Variants in ATL2 observed in about 807,000 individuals in gnomAD.
ATL2 encodes the protein atlastin GTPase 2, also known as atlastin-2.
Under a neutral mutation model 73.9 loss-of-function variants are expected in ATL2, and 31 were observed. The ratio of observed to expected loss-of-function variants is 0.42; its 90% CI spans 0.32 to 0.57. The LOEUF (loss-of-function observed/expected upper bound fraction) is 0.57. ATL2 is among the 20% of genes least tolerant of loss of function. The probability of loss-of-function intolerance (pLI) is 0.14; values close to 1 mark genes in which losing one functional copy is unlikely to be tolerated. For synonymous variants in ATL2, 291 were observed against 237.5 expected (o/e 1.23, Z -2.07); for missense variants, 738 against 702.6 (o/e 1.05, Z -0.57).
chr2:38,316,378 T>C (rs1188997281), intron 4 of ATL2, among the ~76,000 whole-genome samples: 2 of 152,218 alleles, frequency 1.3e-5, no homozygotes, highest in Non-Finnish European at 2.9e-5. Flanking sequence ...ATCCTTTCAT[T>C]GTCAGGGCCA....
intron 1 of ATL2, among the ~76,000 whole-genome samples, chr2:38,353,187 G>A (rs766705840): frequency 1.3e-5 from 2 of 152,162 alleles, no homozygotes; most frequent in Non-Finnish European, 1.5e-5. Context: ...CTGTAAATAC[G>A]TTCAAGGACT....
Position 38,326,686 on chromosome 2 carries a change from C to T in ATL2, c.364-7667G>A, listed in dbSNP as rs1462652606. Among the ~76,000 whole-genome samples, 7 of 152,130 alleles carry T rather than the reference C, an allele frequency of 4.6e-5. No homozygotes were observed. In the East Asian group the frequency reaches 1.3e-3, roughly 29 times the overall value. On this transcript the variant is annotated intron_variant, in intron 2 of 12. Coordinates refer to ENST00000378954, the MANE Select transcript of ATL2 (RefSeq NM_001135673.4). ...AAAGATAAGAATTACACTGGACTTC[C>T]CATTACAAATCATGCAAGCAGCTGG... is the stretch of plus-strand genomic sequence containing the variant.
chr2:38,346,731 C>G (rs1211956595), intron 1 of ATL2, among the ~76,000 whole-genome samples: 1 of 152,308 alleles, frequency 6.6e-6, no homozygotes, highest in Admixed American at 6.5e-5. Context: ...GGCAGTAATG[C>G]TCGCTCGCCT....
At chr2:38,329,264 C>A (rs558802877) in intron 2 of ATL2, among the ~76,000 whole-genome samples, 2 of 150,214 alleles carry the variant, frequency 1.3e-5, no homozygotes, top group African/African-American at 4.9e-5. Context: ...CCCATCTCTA[C>A]TAAAAATACA....
At chr2:38,363,745 A>G (rs1489569410) in intron 1 of ATL2, among the ~76,000 whole-genome samples, 1 of 152,246 alleles carries the variant, frequency 6.6e-6, no homozygotes, top group East Asian at 1.9e-4. Context: ...TGGTAACTAG[A>G]GAGCAAGGCA....
At chr2:38,296,876 T>A (rs1309200304) in intron 12 of ATL2, among the ~76,000 whole-genome samples, 1 of 152,226 alleles carries the variant, frequency 6.6e-6, no homozygotes, top group Non-Finnish European at 1.5e-5. Flanking sequence ...CTAGAATCAA[T>A]GCTGTTTAAG....
chr2:38,377,497 C>A (rs868850794), upstream of ATL2, among the ~76,000 whole-genome samples: 1 of 151,004 alleles, frequency 6.6e-6, no homozygotes, highest in Non-Finnish European at 1.5e-5. Context: ...AGATCCGTCT[C>A]CCCGGCTCCA....
intron 1 of ATL2, among the ~76,000 whole-genome samples, chr2:38,372,986 C>T (rs1671768910): frequency 6.6e-6 from 1 of 152,060 alleles, no homozygotes; most frequent in South Asian, 2.1e-4. Flanking sequence ...CATAATAACA[C>T]AAGTAGTCAC....
chr2:38,314,932 A>G (rs973844247), intron 5 of ATL2, among the ~76,000 whole-genome samples: 1 of 152,250 alleles, frequency 6.6e-6, no homozygotes, highest in Non-Finnish European at 1.5e-5. Context: ...TTAAATTTCA[A>G]TAGTTGGCAC....
At chr2:38,332,731 G>T (rs1366886886) in intron 2 of ATL2, among the ~76,000 whole-genome samples, 1 of 152,124 alleles carries the variant, frequency 6.6e-6, no homozygotes, top group South Asian at 2.1e-4. Flanking sequence ...CAGAGTCCAG[G>T]GGAGAATGAA....
chr2:38,307,011 T>C (rs1667483396), intron 9 of ATL2, among the ~76,000 whole-genome samples: 1 of 151,952 alleles, frequency 6.6e-6, no homozygotes, highest in African/African-American at 2.4e-5. Context: ...AAAAATCAAA[T>C]CAAAATGGAT....
At position 38,343,560 on chromosome 2, in the gene ATL2, G is replaced by A. The variant is rs199928693; in HGVS notation, c.119-48C>T. The A allele has an allele frequency of 1.1e-4, 166 of 1,558,000 alleles. No homozygotes were observed. In the African/African-American group the frequency reaches 1.1e-3, roughly 11 times the overall value. Reference sequence around the variant, plus strand: ...CTGGTTACTTTAATCCCTATATTACGAACTTTCATTAAGGACCACAACTAA... The same window carrying A: ...CTGGTTACTTTAATCCCTATATTACAAACTTTCATTAAGGACCACAACTAA... On this transcript the variant is annotated intron_variant, in intron 1 of 12. Coordinates refer to ENST00000378954, the MANE Select transcript of ATL2 (RefSeq NM_001135673.4).
chr2:38,318,249 GGGC>G (rs1668129434), intron 4 of ATL2: 1 of 237,890 alleles, frequency 4.2e-6, no homozygotes, highest in African/African-American at 2.3e-5. Context: ...AGGCCGAGGT[GGGC>G]GGGTCACCTG....
At chr2:38,350,456 G>GTC (rs1670272953) in intron 1 of ATL2, among the ~76,000 whole-genome samples, 1 of 152,118 alleles carries the variant, frequency 6.6e-6, no homozygotes, top group African/African-American at 2.4e-5. Flanking sequence ...GGATAGGGAG[G>GTC]GATGAACAGG....
In ATL2 at chr2:38,376,370, G is replaced by GTCA. The variant is rs529259963; in HGVS notation, c.118+772_118+773insTGA. On this transcript the variant is annotated intron_variant, in intron 1 of 12. Coordinates refer to ENST00000378954, the MANE Select transcript of ATL2 (RefSeq NM_001135673.4). Reference sequence around the variant, plus strand: ...AGCTCACATTCAGCAAAACCAGGGAGCCAAGGATCAGGTGACTTCACACTA... The same window carrying GTCA: ...AGCTCACATTCAGCAAAACCAGGGAGTCACCAAGGATCAGGTGACTTCACACTA... The GTCA allele has an allele frequency of 6.7e-4, 459 of 689,884 alleles. 1 individual carries two copies. The African/African-American group carries it at 7.5e-3, about 11-fold the overall frequency. The allele number at this position is 689,884 out of a possible 1,614,324, so 42.7% of individuals were successfully genotyped here. A position where few individuals can be genotyped will look rare whatever the true frequency, so the allele number is the denominator to read the frequency against.
Position 38,377,179 on chromosome 2 carries a change from C to G in ATL2, c.82G>C (p.Ala28Pro), listed in dbSNP as rs1372477177. 2.5e-6 allele frequency: 4 copies of G among 1,610,650 alleles called. No homozygotes were observed. The highest frequency in any genetic ancestry group is 3.4e-6 in the Non-Finnish European group (4 of 1,179,378). ...WRRRRTSDPS[A>P]AVNHVSSTTS... The stretch of plus-strand genomic sequence containing the variant: ...GTGGACGAGACGTGGTTAACCGCGG[C>G]GCTTGGGTCGCTGGTCCGTCGCCGG... The change falls in exon 1 of 13, where the codon GCC (alanine) becomes CCC (proline). Residue 28 changes from alanine (A) to proline (P), a missense_variant. By Grantham distance (27) the Ala-to-Pro change is conservative (BLOSUM62 -1). Transcript: ENST00000378954.
At chr2:38,296,462 G>C (rs1440777909) in intron 12 of ATL2, 2 of 1,588,998 alleles carry the variant, frequency 1.3e-6, no homozygotes, top group Non-Finnish European at 1.7e-6. Context: ...TTCAGATAGA[G>C]AAAAAGGTTA....
intron 1 of ATL2, among the ~76,000 whole-genome samples, chr2:38,349,186 G>T (rs1670199905): frequency 1.3e-5 from 2 of 152,020 alleles, no homozygotes; most frequent in African/African-American, 4.8e-5. Context: ...TATACCCAAA[G>T]GACTATAAAT....
chr2:38,301,190 G>C lies in ATL2; in HGVS notation c.1072-862C>G, dbSNP rs541953261. On this transcript the variant is annotated intron_variant, in intron 9 of 12. Coordinates refer to ENST00000378954, the MANE Select transcript of ATL2 (RefSeq NM_001135673.4). ...TCACCACGTTGGCCAGGCTGGTCTC[G>C]AACTCCCGACCTCAGGTGATTCGCC... Among the ~76,000 whole-genome samples, 21 of 152,126 alleles carry C rather than the reference G, an allele frequency of 1.4e-4. No individual in the cohort carries two copies. The South Asian group carries it at 4.4e-3, about 32-fold the overall frequency.
Sources: gnomAD v4.1 joint callset for allele counts (sites outside exome capture counted in the v4.1 genomes callset) on GRCh38, gnomAD v4.1.1 for gene constraint, MANE v1.5 for transcripts, NCBI Gene and HGNC (gene_info 2026-07-23, HGNC 2026-07-21) for gene names.